Variants in OTUD7A observed in about 807,000 individuals in gnomAD.
OTUD7A encodes the protein OTU domain-containing protein 7A.
Under a neutral mutation model 65.7 loss-of-function variants are expected in OTUD7A, and 12 were observed. The ratio of observed to expected loss-of-function variants is 0.18; its 90% confidence interval spans 0.12 to 0.30. The LOEUF (loss-of-function observed/expected upper bound fraction) is 0.30, where lower values mean the gene tolerates loss of function less well. Among genes scored for constraint, OTUD7A ranks in the 10% least tolerant of loss-of-function variants. The pLI, the probability that OTUD7A is intolerant of heterozygous loss-of-function variation, is 1.00. For missense variants in OTUD7A, 1,148 were observed against 1,304.8 expected, an observed-to-expected ratio of 0.88 and a Z score of 1.85; for synonymous variants, 641 against 586.3, an observed-to-expected ratio of 1.09 and a Z score of -1.35.
intron 3 of OTUD7A, among the ~76,000 whole-genome samples, chr15:31,592,710 C>T (rs796184471): frequency 3.0e-4 from 46 of 151,136 alleles, no homozygotes; most frequent in African/African-American, 1.1e-3. Context: ...GAAACCCCAT[C>T]TCTACTAAAA....
At chr15:31,699,373 T>C (rs1383989697) in intron 1 of OTUD7A, among the ~76,000 whole-genome samples, 20 of 151,628 alleles carry the variant, frequency 1.3e-4, no homozygotes, top group Admixed American at 8.8e-4. Flanking sequence ...GCCATCACGC[T>C]CAGCCAATAC....
Position 31,503,807 on chromosome 15 carries a change from G to T in OTUD7A, c.905C>A (p.Ser302Tyr). 1.2e-6 allele frequency: 2 copies of T among 1,614,188 alleles called. No individual in the cohort carries two copies. The highest frequency in any genetic ancestry group is 1.7e-6 in the Non-Finnish European group (2 of 1,180,036). ...CAGGCTCTCGTACACGGGGTCCTCA[G>T]AGTTGTCCACACTGTGAAACAAAAC... ...NGGTGGGVDN[S>Y]EDPVYESLEE... The change falls in exon 9 of 13, where the codon TCT (serine) becomes TAT (tyrosine). Residue 302 changes from serine (S) to tyrosine (Y), a missense_variant. Ser to Tyr is a moderately radical substitution (Grantham distance 144, BLOSUM62 -2). Coordinates refer to ENST00000307050, the MANE Select transcript of OTUD7A (RefSeq NM_001382637.1).
At chr15:31,810,144 AG>A (rs1896381200) in intron 1 of OTUD7A, among the ~76,000 whole-genome samples, 1 of 152,144 alleles carries the variant, frequency 6.6e-6, no homozygotes, top group Non-Finnish European at 1.5e-5. Flanking sequence ...GGGAGGCCAG[AG>A]GGGTTCCTCC....
intron 1 of OTUD7A, among the ~76,000 whole-genome samples, chr15:31,697,343 T>TCAC (rs1246342211): frequency 3.5e-5 from 5 of 144,016 alleles, no homozygotes; most frequent in African/African-American, 1.3e-4. Flanking sequence ...TTGCTTTCAC[T>TCAC]CACTCACCCA....
At position 31,484,932 on chromosome 15, in the gene OTUD7A, G is replaced by A. The variant is rs2041215269; in HGVS notation, c.1372-208C>T. On this transcript the variant is annotated intron_variant, in intron 12 of 12. Coordinates refer to ENST00000307050, the MANE Select transcript of OTUD7A (RefSeq NM_001382637.1). The surrounding 1 kb of genome is among the most constrained non-coding windows in gnomAD (Gnocchi z 4.5). The stretch of plus-strand genomic sequence containing the variant: ...GAGTGGGCTCTGATCTGCTGCGGTA[G>A]TAAAAGGATGTAGGGACCTCTTAAC... 6.6e-6 allele frequency among the ~76,000 whole-genome samples: 1 copy of A among 152,238 alleles called. No individual in the cohort carries two copies. Among genetic ancestry groups the A allele is most frequent in the Admixed American group, 6.5e-5 (1 of 15,286 alleles).
At chr15:31,857,408 T>A (rs577452267) in intron 1 of OTUD7A, among the ~76,000 whole-genome samples, 1 of 151,810 alleles carries the variant, frequency 6.6e-6, no homozygotes, top group East Asian at 1.9e-4. Context: ...GGGCTGGGAG[T>A]ATCTCACTCT....
chr15:31,584,540 A>G (rs1889469726), intron 3 of OTUD7A, among the ~76,000 whole-genome samples: 1 of 152,168 alleles, frequency 6.6e-6, no homozygotes, highest in Admixed American at 6.5e-5. Context: ...TTACAGGGGG[A>G]TGCCTACGTC....
chr15:31,557,448 A>ATCTGCCCT (rs1888534257), intron 5 of OTUD7A: 3 of 152,256 alleles, frequency 2.0e-5, no homozygotes, highest in Non-Finnish European at 4.4e-5. Context: ...GCTCCCCGCA[A>ATCTGCCCT]TCTGCCCTTC....
chr15:31,500,254 G>A (rs2041448223), intron 10 of OTUD7A, among the ~76,000 whole-genome samples: 1 of 152,250 alleles, frequency 6.6e-6, no homozygotes, highest in Non-Finnish European at 1.5e-5. Context: ...AAAGTGGGGA[G>A]ACAATGGAAA....
At position 31,812,244 on chromosome 15, in the gene OTUD7A, G is replaced by A. The variant is rs770724669; in HGVS notation, c.-100+58263C>T. On this transcript the variant is annotated intron_variant, in intron 1 of 12. Transcript: ENST00000307050. ...AATGCCCCAGCTGACCCTGTTCAGG[G>A]AGCCCAACCAGGGCTTCCACACTCC... Among the ~76,000 whole-genome samples, 215 of 134,108 alleles carry A rather than the reference G, an allele frequency of 1.6e-3. 2 individuals carry two copies. Among genetic ancestry groups the A allele is most frequent in the Non-Finnish European group, 3.2e-3 (183 of 57,996 alleles). 88.0% of individuals were successfully genotyped at this position (134,108 alleles called of 152,430 possible). A position where few individuals can be genotyped will look rare whatever the true frequency, so the allele number is the denominator to read the frequency against.
chr15:31,701,358 T>A (rs1443469537), intron 1 of OTUD7A, among the ~76,000 whole-genome samples: 1 of 151,360 alleles, frequency 6.6e-6, no homozygotes, highest in Non-Finnish European at 1.5e-5. Flanking sequence ...TCTAAACTTT[T>A]TACAATTTTT....
chr15:31,829,178 A>G (rs1007776402), intron 1 of OTUD7A, among the ~76,000 whole-genome samples: 1 of 152,232 alleles, frequency 6.6e-6, no homozygotes, highest in Non-Finnish European at 1.5e-5. Context: ...GACTAGAGAC[A>G]TGAAGACACC....
intron 3 of OTUD7A, among the ~76,000 whole-genome samples, chr15:31,631,108 G>A (rs1891135362): frequency 6.6e-6 from 1 of 152,198 alleles, no homozygotes. Context: ...ATATTGTTAT[G>A]TGTGTATTTG....
chr15:31,750,111 A>G (rs1459852240), intron 1 of OTUD7A, among the ~76,000 whole-genome samples: 1 of 152,208 alleles, frequency 6.6e-6, no homozygotes, highest in Non-Finnish European at 1.5e-5. Flanking sequence ...ATGAATCAAT[A>G]TTGTTAAAAT....
chr15:31,558,673 G>C (rs967189810), intron 5 of OTUD7A: 1 of 447,576 alleles, frequency 2.2e-6, no homozygotes, highest in Non-Finnish European at 4.0e-6. Context: ...TGGGGAAAGA[G>C]AGAAGCAAGG....
intron 8 of OTUD7A, among the ~76,000 whole-genome samples, chr15:31,516,954 G>C (rs1356176963): frequency 6.6e-6 from 1 of 152,196 alleles, no homozygotes; most frequent in Non-Finnish European, 1.5e-5. Flanking sequence ...GGAAGAAGCA[G>C]AGGCTACCCC....
chr15:31,832,957 A>G (rs774270658), intron 1 of OTUD7A, among the ~76,000 whole-genome samples: 1 of 152,180 alleles, frequency 6.6e-6, no homozygotes, highest in Non-Finnish European at 1.5e-5. Flanking sequence ...ATACACCCAA[A>G]AGTGGGACTG....
rs569879418 is a variant in OTUD7A at position 31,528,533 on chromosome 15, A to G, written c.653-1225T>C. On this transcript the variant is annotated intron_variant, in intron 6 of 12. Transcript: ENST00000307050. ...GGATATGCAATAGCCCAGGCCTGCC[A>G]CAGGCTTCTAGCCAGCAAGGCTTCG... Among the ~76,000 whole-genome samples the G allele has an allele frequency of 1.6e-4, 25 of 152,380 alleles. No individual in the cohort carries two copies. In the South Asian group the frequency reaches 5.2e-3, roughly 32 times the overall value.
chr15:31,499,259 CTTG>C (rs2041429331), intron 10 of OTUD7A, among the ~76,000 whole-genome samples: 1 of 152,162 alleles, frequency 6.6e-6, no homozygotes, highest in African/African-American at 2.4e-5. Flanking sequence ...CTTCCTGGGG[CTTG>C]TGATTATTGT....
Sources: allele counts gnomAD v4.1 joint callset (sites outside exome capture counted in the v4.1 genomes callset), GRCh38; gene constraint gnomAD v4.1.1; non-coding constraint Gnocchi (gnomAD v3.1); transcripts MANE v1.5; gene names NCBI Gene and HGNC (gene_info 2026-07-23, HGNC 2026-07-21).